The following RBFOX3 variants were observed in gnomAD, a reference collection of about 807,000 sequenced individuals.
The protein encoded by RBFOX3 is RNA binding fox-1 homolog 3.
RBFOX3 carries 17 observed loss-of-function variants against 48.7 expected under a neutral mutation model. The ratio of observed to expected loss-of-function variants is 0.35; its 90% CI spans 0.24 to 0.52. RBFOX3 has a LOEUF of 0.52. RBFOX3 is among the 20% of genes least tolerant of loss of function. The probability of loss-of-function intolerance (pLI) is 0.94; values close to 1 mark genes in which losing one functional copy is unlikely to be tolerated. For synonymous variants in RBFOX3, 212 were observed against 209.5 expected, an observed-to-expected ratio of 1.01 and a Z score of -0.10; for missense variants, 382 against 497.5, an observed-to-expected ratio of 0.77 and a Z score of 2.21.
chr17:79,476,993 G>A (rs2077879803), intron 2 of RBFOX3, among the ~76,000 whole-genome samples: 1 of 152,124 alleles, frequency 6.6e-6, no homozygotes, highest in Non-Finnish European at 1.5e-5. Flanking sequence ...AGCACTTTGG[G>A]AGGCCTAGGT....
chr17:79,096,456 C>A (rs1042528176), intron 12 of RBFOX3, among the ~76,000 whole-genome samples, 197 bp downstream of exon 12: 2 of 151,074 alleles, frequency 1.3e-5, no homozygotes, highest in African/African-American at 4.8e-5. Context: ...TGATGGGTAC[C>A]AACAACCAAA....
At chr17:79,367,438 A>G (rs935597467) in intron 2 of RBFOX3, among the ~76,000 whole-genome samples, 1 of 151,544 alleles carries the variant, frequency 6.6e-6, no homozygotes, top group Non-Finnish European at 1.5e-5. Flanking sequence ...TCCTTCTTCA[A>G]AACGCAAATC....
chr17:79,555,367 A>G (rs1247282165), intron 1 of RBFOX3, among the ~76,000 whole-genome samples: 111 of 99,608 alleles, frequency 1.1e-3, no homozygotes, highest in Middle Eastern at 6.7e-3. Context: ...GATGGTGGTG[A>G]TGATGGTAGT....
Position 79,253,119 on chromosome 17 carries a change from G to A in RBFOX3, c.-73-17314C>T, listed in dbSNP as rs370892017. Reference sequence around the variant, plus strand: ...GGTCCCCCTTCTTCTTTCAGCCCAAGTAGATCCTGGCGGCCGACAGACACC... The same window carrying A: ...GGTCCCCCTTCTTCTTTCAGCCCAAATAGATCCTGGCGGCCGACAGACACC... On this transcript the variant is annotated intron_variant, in intron 3 of 14. Coordinates refer to ENST00000693108, the MANE Select transcript of RBFOX3 (RefSeq NM_001350451.2). Among the ~76,000 whole-genome samples, 364 of 152,250 alleles carry A rather than the reference G, an allele frequency of 2.4e-3. 1 individual carries two copies. Among genetic ancestry groups the A allele is most frequent in the African/African-American group, 8.1e-3 (335 of 41,548 alleles).
chr17:79,329,615 C>A (rs1049361988), intron 2 of RBFOX3, among the ~76,000 whole-genome samples: 3 of 152,142 alleles, frequency 2.0e-5, no homozygotes, highest in African/African-American at 4.8e-5. Flanking sequence ...GGGCTCTGAG[C>A]AATACCCTCT....
chr17:79,593,385 T>A (rs2093477534), intron 1 of RBFOX3, among the ~76,000 whole-genome samples: 1 of 152,318 alleles, frequency 6.6e-6, no homozygotes, highest in South Asian at 2.1e-4. Context: ...AATTCCCCTG[T>A]GGCCTCAATC....
At chr17:79,373,003 G>C (rs1427119641) in intron 2 of RBFOX3, among the ~76,000 whole-genome samples, 3 of 152,200 alleles carry the variant, frequency 2.0e-5, no homozygotes, top group African/African-American at 7.2e-5. Context: ...GCCCAGGGTG[G>C]ATGGGGCCGG....
intron 1 of RBFOX3, among the ~76,000 whole-genome samples, chr17:79,566,166 AC>A (rs1376127094): frequency 2.0e-5 from 3 of 152,068 alleles, no homozygotes; most frequent in Non-Finnish European, 2.9e-5. Flanking sequence ...GCCCTATGGC[AC>A]ATCTCTAGAG....
Position 79,358,092 on chromosome 17 carries a change from A to G in RBFOX3, c.-174-50268T>C, listed in dbSNP as rs1221316300. ...CTCCCAAGTGGCTGGGACCACAGGC[A>G]CACACCACCAGCCTAGCTAATTTTT... On this transcript the variant is annotated intron_variant, in intron 2 of 14. Coordinates refer to ENST00000693108, the MANE Select transcript of RBFOX3 (RefSeq NM_001350451.2). 2.0e-5 allele frequency among the ~76,000 whole-genome samples: 3 copies of G among 152,168 alleles called. No individual in the cohort carries two copies. The East Asian group carries it at 5.8e-4, about 29-fold the overall frequency.
chr17:79,569,251 C>G (rs1005892329), intron 1 of RBFOX3, among the ~76,000 whole-genome samples: 197 of 152,274 alleles, frequency 1.3e-3, no homozygotes, highest in South Asian at 3.7e-3. Context: ...CCCACTCCCC[C>G]CAAGCCCTGG....
intron 3 of RBFOX3, among the ~76,000 whole-genome samples, chr17:79,260,025 G>A (rs1489918378): frequency 6.6e-6 from 1 of 151,986 alleles, no homozygotes; most frequent in Admixed American, 6.5e-5. Flanking sequence ...TGAGGACCAT[G>A]GGAGATGGTC....
the RBFOX3 span, among the ~76,000 whole-genome samples, chr17:79,645,669 G>A: frequency 5.9e-5 from 9 of 152,180 alleles, no homozygotes; most frequent in African/African-American, 1.9e-4. Flanking sequence ...GCATCATCCA[G>A]TTCACCGTCT....
chr17:79,310,708 G>T (rs1005431604), intron 2 of RBFOX3, among the ~76,000 whole-genome samples: 1 of 152,194 alleles, frequency 6.6e-6, no homozygotes, highest in African/African-American at 2.4e-5. Context: ...CCGCTCTGTT[G>T]CTCACCGATG....
At chr17:79,526,617 C>T (rs934939299) in intron 1 of RBFOX3, among the ~76,000 whole-genome samples, 2 of 152,166 alleles carry the variant, frequency 1.3e-5, no homozygotes, top group Admixed American at 1.3e-4. Flanking sequence ...GGAAAAACCA[C>T]AAAGGCAATA....
chr17:79,467,275 G>T (rs2076441510), intron 2 of RBFOX3, among the ~76,000 whole-genome samples: 1 of 152,148 alleles, frequency 6.6e-6, no homozygotes, highest in Non-Finnish European at 1.5e-5. Context: ...CTGATGTGTG[G>T]CTTAGGTCCC....
At chr17:79,353,615 CA>C (rs2084381576) in intron 2 of RBFOX3, among the ~76,000 whole-genome samples, 1 of 152,242 alleles carries the variant, frequency 6.6e-6, no homozygotes, top group African/African-American at 2.4e-5. Context: ...ACCAAACCTC[CA>C]GGAAATCACT....
At chr17:79,487,628 C>T (rs937314736) in intron 1 of RBFOX3, among the ~76,000 whole-genome samples, 11 of 152,196 alleles carry the variant, frequency 7.2e-5, no homozygotes, top group Admixed American at 2.0e-4. Flanking sequence ...GGGTGAGTGG[C>T]ATGGAGCTGG....
In RBFOX3 at chr17:79,423,277, T is replaced by A. The variant is rs1555723730; in HGVS notation, c.-175+59177A>T. Among the ~76,000 whole-genome samples the A allele has an allele frequency of 6.6e-6, 1 of 152,156 alleles. No individual in the cohort carries two copies. Among genetic ancestry groups the A allele is most frequent in the African/African-American group, 2.4e-5 (1 of 41,442 alleles). On this transcript the variant is annotated intron_variant, in intron 2 of 14. Coordinates refer to ENST00000693108, the MANE Select transcript of RBFOX3 (RefSeq NM_001350451.2). This position sits in a 1 kb window ranked among gnomAD's most constrained non-coding sequence, Gnocchi z 4.9. ...TACAAGTTCGTGGCATTGTCCTGGA[T>A]TCCTTGACCGTCCTCGCCACGCCCC...
chr17:79,535,846 T>C lies in RBFOX3; in HGVS notation c.-319-53248A>G, dbSNP rs1271823166. ...CACACGGAGAGGGGCCGTGGGTTGA[T>C]CTCTGCTCCCCCTCAGTCACAAACC... On this transcript the variant is annotated intron_variant, in intron 1 of 14. Coordinates refer to ENST00000693108, the MANE Select transcript of RBFOX3 (RefSeq NM_001350451.2). The surrounding 1 kb of genome is among the most constrained non-coding windows in gnomAD (Gnocchi z 4.5). 2.6e-4 allele frequency among the ~76,000 whole-genome samples: 40 copies of C among 152,050 alleles called. No individual in the cohort carries two copies. The highest frequency in any genetic ancestry group is 4.4e-5 in the Non-Finnish European group (3 of 67,994).
Sources: gnomAD v4.1 joint callset for allele counts (sites outside exome capture counted in the v4.1 genomes callset) on GRCh38, gnomAD v4.1.1 for gene constraint, Gnocchi (gnomAD v3.1) non-coding constraint, MANE v1.5 for transcripts, NCBI Gene and HGNC (gene_info 2026-07-23, HGNC 2026-07-21) for gene names.